The following TMPRSS3 variants were observed in gnomAD, a reference collection of about 807,000 sequenced individuals.
TMPRSS3 encodes the protein transmembrane serine protease 3.
TMPRSS3 carries 55 observed loss-of-function variants against 59.6 expected under a neutral mutation model. The ratio of observed to expected loss-of-function variants is 0.92; its 90% CI spans 0.74 to 1.16. The LOEUF (loss-of-function observed/expected upper bound fraction) is 1.16, where lower values mean the gene tolerates loss of function less well. TMPRSS3 is among the 50% of genes most tolerant of loss of function. TMPRSS3 has a pLI of 0.00. For synonymous variants in TMPRSS3, 257 were observed against 237.7 expected, an observed-to-expected ratio of 1.08 and a Z score of -0.75; for missense variants, 596 against 579.4, an observed-to-expected ratio of 1.03 and a Z score of -0.29.
chr21:42,395,539 T>C, intron 1 of TMPRSS3, 71 bp from the exon 2 acceptor site: 2 of 881,502 alleles, frequency 2.3e-6, no homozygotes, highest in Non-Finnish European at 3.7e-6. Context: ...ATCTTGGTCA[T>C]ACGGTAAATC....
At position 42,382,182 on chromosome 21, in the gene TMPRSS3, C is replaced by A. The variant is rs1223337813; in HGVS notation, c.835G>T (p.Asp279Tyr). The change falls in exon 9 of 13, where the codon GAC becomes TAC. Residue 279 changes from aspartate (D) to tyrosine (Y), a missense_variant. Coordinates refer to ENST00000644384, the MANE Select transcript of TMPRSS3 (RefSeq NM_001256317.3). Reference protein sequence around the residue: ...TIQVGLVSLLDNPAPSHLVEK... With the variant: ...TIQVGLVSLLYNPAPSHLVEK... ...ACCAAGTGGGATGGGGCTGGATTGT[C>A]CAACAGGGAAACTAGACCCACCTGG... 6.2e-7 allele frequency: 1 copy of A among 1,614,026 alleles called. No homozygotes were observed. The highest frequency in any genetic ancestry group is 8.5e-7 in the Non-Finnish European group (1 of 1,180,034).
chr21:42,387,082 G>A (rs918751271), intron 5 of TMPRSS3, among the ~76,000 whole-genome samples: 3 of 122,140 alleles, frequency 2.5e-5, no homozygotes, highest in Non-Finnish European at 5.0e-5. Context: ...GAAGAGAGAC[G>A]GGAAGGCTAC....
chr21:42,377,788 G>A (rs1473406365), intron 10 of TMPRSS3, among the ~76,000 whole-genome samples: 4 of 152,210 alleles, frequency 2.6e-5, no homozygotes, highest in South Asian at 4.1e-4. Context: ...CTTCCTGCCC[G>A]GAACGTGGCG....
At chr21:42,381,334 C>T (rs1256185376) in intron 9 of TMPRSS3, among the ~76,000 whole-genome samples, 1 of 152,184 alleles carries the variant, frequency 6.6e-6, no homozygotes, top group African/African-American at 2.4e-5. Context: ...CTTTTCTGTA[C>T]TTCCAGGGAG....
chr21:42,375,144 T>A (rs931256222), intron 12 of TMPRSS3, among the ~76,000 whole-genome samples: 1 of 151,892 alleles, frequency 6.6e-6, no homozygotes, highest in African/African-American at 2.4e-5. Flanking sequence ...TTCCCCTCCA[T>A]GCCCGGGTCC....
rs397517377 is a variant in TMPRSS3, at chr21:42,383,084, C to T, written c.731G>A (p.Gly244Asp). Residue 244 changes from glycine to aspartate, a missense_variant, in exon 8 of 13, where the codon GGC (glycine) becomes GAC (aspartate). Coordinates refer to ENST00000644384, the MANE Select transcript of TMPRSS3 (RefSeq NM_001256317.3). ...LQFQGYHLCG[G>D]SVITPLWIIT... ...GATCCACAGGGGCGTGATGACAGAG[C>T]CCCCGCACAGGTGGTAGCCCTGGAA... 1.9e-6 allele frequency: 3 copies of T among 1,614,152 alleles called. No homozygotes were observed. Among genetic ancestry groups the T allele is most frequent in the Non-Finnish European group, 2.5e-6 (3 of 1,180,032 alleles).
chr21:42,395,199 G>A, intron 2 of TMPRSS3, 125 bp downstream of exon 2: 1 of 800,548 alleles, frequency 1.2e-6, no homozygotes, highest in South Asian at 1.4e-5. Flanking sequence ...GGAAGTGCAG[G>A]TGTCCAGCCT....
intron 5 of TMPRSS3, among the ~76,000 whole-genome samples, chr21:42,386,446 G>A (rs1017566340): frequency 2.0e-5 from 3 of 152,240 alleles, no homozygotes; most frequent in African/African-American, 4.8e-5. Flanking sequence ...GCATGAAAGA[G>A]CCGATGGTTG....
chr21:42,380,005 G>A (rs1056793294), intron 10 of TMPRSS3, 112 bp downstream of exon 10: 1 of 874,300 alleles, frequency 1.1e-6, no homozygotes, highest in Admixed American at 2.0e-5. Flanking sequence ...TCCCTGGCCG[G>A]GGTATCTGGG....
intron 10 of TMPRSS3, among the ~76,000 whole-genome samples, chr21:42,379,906 G>T (rs528603113): frequency 6.6e-6 from 1 of 152,174 alleles, no homozygotes; most frequent in Non-Finnish European, 1.5e-5. Flanking sequence ...GAGAAGGTCT[G>T]CAGGGTCATG....
rs946545454 is a variant in TMPRSS3, at chr21:42,387,299, C to G, written c.446+1104G>C. 4.6e-5 allele frequency among the ~76,000 whole-genome samples: 7 copies of G among 151,958 alleles called. No homozygotes were observed. In the South Asian group the frequency reaches 6.2e-4, roughly 14 times the overall value. On this transcript the variant is annotated intron_variant, in intron 5 of 12. Coordinates refer to ENST00000644384, the MANE Select transcript of TMPRSS3 (RefSeq NM_001256317.3). ...GAAAAGGAGGCCCCCCAACACCCCC[C>G]ACCCAATGAGTCAGAGGAAGAGGCT...
intron 9 of TMPRSS3, among the ~76,000 whole-genome samples, chr21:42,381,648 G>A (rs554073201): frequency 6.6e-6 from 1 of 152,326 alleles, no homozygotes; most frequent in East Asian, 1.9e-4. Flanking sequence ...ACAGGGAGAA[G>A]GTGGCACCAG....
chr21:42,383,292 C>T, intron 7 of TMPRSS3, 94 bp from the exon 8 acceptor site: 2 of 1,347,278 alleles, frequency 1.5e-6, no homozygotes, highest in East Asian at 4.8e-5. Flanking sequence ...TCTCCCCACC[C>T]TCACTGCCCC....
chr21:42,376,257 C>T (rs149207350), intron 11 of TMPRSS3, among the ~76,000 whole-genome samples: 4 of 152,296 alleles, frequency 2.6e-5, no homozygotes, highest in African/African-American at 9.6e-5. Context: ...ACTGGTTCCC[C>T]GCCACCTGCC....
Position 42,375,730 on chromosome 21 carries a change from G to A in TMPRSS3, c.1330C>T (p.His444Tyr). The change falls in exon 12 of 13, where the codon CAC becomes TAC. Residue 444 changes from histidine to tyrosine, a missense_variant. His to Tyr is a moderately conservative substitution (Grantham distance 83, BLOSUM62 2). Coordinates refer to ENST00000644384, the MANE Select transcript of TMPRSS3 (RefSeq NM_001256317.3). ...GCCGCACCCACCTCCATCTGCTCGT[G>A]GATCCAGTCCAGGAAGGAGGTGACA... ...TRVTSFLDWIHEQMERDLKT is the reference protein window; with the variant it reads ...TRVTSFLDWIYEQMERDLKT The A allele has an allele frequency of 6.2e-7, 1 of 1,613,770 alleles. No homozygotes were observed. The highest frequency in any genetic ancestry group is 8.5e-7 in the Non-Finnish European group (1 of 1,180,020).
chr21:42,395,452 G>T lies in TMPRSS3; in HGVS notation c.-35C>A, dbSNP rs751468633. On this transcript the variant is annotated 5_prime_UTR_variant, in exon 2 of 13. Transcript: ENST00000644384. ...TTCAGGACCTCTGACATCCGGCTCCGCCTCCACCTCTACCTCCTTAGCCGA... is the reference window on the plus strand; with the variant it reads ...TTCAGGACCTCTGACATCCGGCTCCTCCTCCACCTCTACCTCCTTAGCCGA... 2.6e-6 allele frequency: 4 copies of T among 1,560,132 alleles called. No homozygotes were observed. The highest frequency in any genetic ancestry group is 1.4e-5 in the African/African-American group (1 of 73,842).
chr21:42,383,743 G>A (rs574498544), intron 7 of TMPRSS3: 85 of 708,126 alleles, frequency 1.2e-4, no homozygotes, highest in African/African-American at 8.2e-4. Flanking sequence ...GGTCCTGTCC[G>A]CTGCTAATGA....
chr21:42,380,203 T>C lies in TMPRSS3; in HGVS notation c.962A>G (p.Gln321Arg). ...AGPLTFNEMI[Q>R]PVCLPNSEEN... is the part of the protein sequence containing the mutation. ...TTCAGAGTTGGGCAGGCACACAGGC[T>C]GGATCATTTCTGCTTGAAGGGAAAC... Residue 321 changes from glutamine (Q) to arginine (R), a missense_variant, in exon 10 of 13, where the codon CAG (glutamine) becomes CGG (arginine). Gln to Arg is a conservative substitution (Grantham distance 43, BLOSUM62 1). Transcript: ENST00000644384. 3 of 1,613,950 alleles carry C rather than the reference T, an allele frequency of 1.9e-6. No homozygotes were observed. Among genetic ancestry groups the C allele is most frequent in the Non-Finnish European group, 2.5e-6 (3 of 1,179,872 alleles).
intron 3 of TMPRSS3, 41 bp downstream of exon 3, chr21:42,389,886 C>T (rs2052705368): frequency 4.1e-6 from 6 of 1,463,052 alleles, no homozygotes; most frequent in Non-Finnish European, 5.8e-6. Flanking sequence ...AACTACTTGG[C>T]TAGGTATTTG....
Sources: gnomAD v4.1 joint callset for allele counts (sites outside exome capture counted in the v4.1 genomes callset) on GRCh38, gnomAD v4.1.1 for gene constraint, MANE v1.5 for transcripts, NCBI Gene and HGNC (gene_info 2026-07-23, HGNC 2026-07-21) for gene names.